Variants in OTOF observed in about 807,000 individuals in gnomAD.
OTOF encodes the protein fer-1-like family member 2.
A neutral mutation model predicts 236.8 loss-of-function variants in OTOF; 218 were observed. The ratio of observed to expected loss-of-function variants is 0.92; its 90% CI spans 0.82 to 1.03. The LOEUF is 1.03. Among genes scored for constraint, OTOF ranks in the 50% least tolerant of loss-of-function variants. The pLI is 0.00. For synonymous variants in OTOF, 1,041 were observed against 1,072.5 expected (o/e 0.97, Z 0.57); for missense variants, 2,590 against 2,694.4 (o/e 0.96, Z 0.86).
intron 46 of OTOF, among the ~76,000 whole-genome samples, chr2:26,459,208 C>T (rs1382400865): frequency 2.6e-5 from 4 of 152,220 alleles, no homozygotes; most frequent in African/African-American, 7.2e-5. Flanking sequence ...ACCCTGGCCA[C>T]ACCCTTCCCT....
At chr2:26,479,207 T>TG in intron 18 of OTOF, 57 bp downstream of exon 18, 1 of 1,600,024 alleles carries the variant, frequency 6.2e-7, no homozygotes, top group Non-Finnish European at 8.5e-7. Flanking sequence ...GAAGGCCCTC[T>TG]GACAGCGCCG....
intron 8 of OTOF, among the ~76,000 whole-genome samples, chr2:26,499,942 G>A (rs958324359): frequency 6.6e-6 from 1 of 152,206 alleles, no homozygotes; most frequent in Non-Finnish European, 1.5e-5. Context: ...TACAACAACC[G>A]TTTTGTTCAG....
At chr2:26,506,426 C>T (rs928468469) in intron 5 of OTOF, among the ~76,000 whole-genome samples, 1 of 152,218 alleles carries the variant, frequency 6.6e-6, no homozygotes, top group African/African-American at 2.4e-5. Context: ...TCCCCACTTC[C>T]CCAGAGGGGA....
chr2:26,477,063 CA>C lies in OTOF; in HGVS notation c.2524-21del, dbSNP rs771375774. On this transcript the variant is annotated intron_variant, in intron 21 of 46. Coordinates refer to ENST00000272371, the MANE Select transcript of OTOF (RefSeq NM_194248.3). This position sits in a 1 kb window ranked among gnomAD's most constrained non-coding sequence, Gnocchi z 4.7. ...CTGGGGCTGGGGGTTGGGGGGTGGC[CA>C]GGGGCAGTGGGTAAGGGGGTCTAGC... 1.3e-5 allele frequency: 20 copies of C among 1,502,670 alleles called. No homozygotes were observed. The East Asian group carries it at 3.8e-4, about 28-fold the overall frequency. 93.1% of individuals were successfully genotyped at this position (1,502,670 alleles called of 1,614,324 possible). A position where few individuals can be genotyped will look rare whatever the true frequency, so the allele number is the denominator to read the frequency against.
chr2:26,539,506 C>A (rs530236089), intron 1 of OTOF, among the ~76,000 whole-genome samples: 1 of 152,178 alleles, frequency 6.6e-6, no homozygotes, highest in Non-Finnish European at 1.5e-5. Flanking sequence ...GAGGCCGAGG[C>A]GGGCGGATCA....
chr2:26,556,194 G>C (rs1411398732), intron 1 of OTOF, among the ~76,000 whole-genome samples: 3 of 152,206 alleles, frequency 2.0e-5, no homozygotes, highest in Non-Finnish European at 2.9e-5. Flanking sequence ...GGGGAGCCTG[G>C]GGCCAGTGTC....
At chr2:26,528,792 C>A (rs1475533235) in intron 2 of OTOF, among the ~76,000 whole-genome samples, 1 of 152,204 alleles carries the variant, frequency 6.6e-6, no homozygotes, top group African/African-American at 2.4e-5. Flanking sequence ...GAAGACTGGG[C>A]AAGGGAAAGG....
At chr2:26,542,218 C>T (rs1419475627) in intron 1 of OTOF, among the ~76,000 whole-genome samples, 1 of 152,198 alleles carries the variant, frequency 6.6e-6, no homozygotes, top group East Asian at 1.9e-4. Context: ...CCTGCTAGGG[C>T]CACACCTCTG....
chr2:26,482,402 T>G lies in OTOF; in HGVS notation c.1579+4A>C. The G allele has an allele frequency of 1.2e-6, 2 of 1,613,046 alleles. No individual in the cohort carries two copies. Among genetic ancestry groups the G allele is most frequent in the Non-Finnish European group, 1.7e-6 (2 of 1,179,920 alleles). On this transcript the variant is annotated splice_donor_region_variant and intron_variant, in intron 14 of 46. Transcript: ENST00000272371. ...CCCAGCACACCGGGTCTCCCGCTGC[T>G]GACCTTTGTCTCCGTCATTAGAAAT...
chr2:26,459,429 G>T (rs1339230116), intron 46 of OTOF, among the ~76,000 whole-genome samples: 1 of 152,060 alleles, frequency 6.6e-6, no homozygotes, highest in Non-Finnish European at 1.5e-5. Flanking sequence ...GCGGGTGCCT[G>T]TAGTCCCAGC....
At chr2:26,506,418 C>T (rs1461410488) in intron 5 of OTOF, among the ~76,000 whole-genome samples, 1 of 152,232 alleles carries the variant, frequency 6.6e-6, no homozygotes, top group Non-Finnish European at 1.5e-5. Flanking sequence ...CTGCCCCTTC[C>T]CCACTTCCCC....
At chr2:26,526,918 T>C (rs1666821002) in intron 3 of OTOF, among the ~76,000 whole-genome samples, 2 of 152,140 alleles carry the variant, frequency 1.3e-5, no homozygotes, top group South Asian at 4.1e-4. Flanking sequence ...CTCAAATTAC[T>C]GGGATCAAAT....
At chr2:26,472,402 A>T in intron 30 of OTOF, 117 bp downstream of exon 30, 8 of 1,316,550 alleles carry the variant, frequency 6.1e-6, no homozygotes, top group Non-Finnish European at 7.7e-6. Context: ...CGACAGTCAC[A>T]TGCCAAAGGA....
chr2:26,489,729 G>C lies in OTOF; in HGVS notation c.909C>G (p.Phe303Leu). The change falls in exon 10 of 47, where the codon TTC (phenylalanine) becomes TTG (leucine). Residue 303 changes from phenylalanine to leucine, a missense_variant. Phe to Leu is a conservative substitution (Grantham distance 22). Around this residue, in one of 2 missense-constraint regions of OTOF, gnomAD observed 1,379 missense variants for 1,341.6 expected, o/e 1.03. Transcript: ENST00000272371. The part of the protein sequence containing the change: ...NCPYYNEYFV[F>L]DFHVSPDVMF... ...TGACATCCGGAGAGACATGGAAGTCGAAGACGAAGTACTGGAGGGGGAAGG... is the reference window on the plus strand; with the variant it reads ...TGACATCCGGAGAGACATGGAAGTCCAAGACGAAGTACTGGAGGGGGAAGG... 1.2e-6 allele frequency: 2 copies of C among 1,612,718 alleles called. No individual in the cohort carries two copies. Among genetic ancestry groups the C allele is most frequent in the Non-Finnish European group, 1.7e-6 (2 of 1,179,728 alleles).
chr2:26,536,854 T>G (rs1667082847), intron 2 of OTOF, among the ~76,000 whole-genome samples: 1 of 152,022 alleles, frequency 6.6e-6, no homozygotes, highest in African/African-American at 2.4e-5. Context: ...CAGAGGGGAA[T>G]ATAGATTCTG....
chr2:26,463,969 C>A lies in OTOF; in HGVS notation c.5098G>T (p.Glu1700Ter). The A allele has an allele frequency of 1.2e-6, 2 of 1,613,754 alleles. No individual in the cohort carries two copies. The highest frequency in any genetic ancestry group is 1.7e-6 in the Non-Finnish European group (2 of 1,179,958). Residue 1700 changes from glutamate (E) to a stop codon, truncating the protein, a stop_gained, in exon 40 of 47, where the codon GAG (glutamate) becomes TAG (stop). Coordinates refer to ENST00000272371, the MANE Select transcript of OTOF (RefSeq NM_194248.3). LOFTEE classifies it high-confidence loss of function. ...PLLNPDKPGI[E>*]QGRLELWVDM... ...CTTGGCCATGCAAGTGTCACCTGCT[C>A]GATGCCCGGCTTGTCGGGGTTGAGC...
chr2:26,463,535 C>G lies in OTOF; in HGVS notation c.5140G>C (p.Asp1714His). The G allele has an allele frequency of 1.2e-6, 2 of 1,609,000 alleles. No individual in the cohort carries two copies. The highest frequency in any genetic ancestry group is 1.1e-5 in the South Asian group (1 of 89,612). ...LELWVDMFPM[D>H]MPAPGTPLDI... is the part of the protein sequence containing the mutation. ...AGAGGCGTCCCAGGGGCTGGCATGT[C>G]CATGGGGAACATGTCCACCCACAGC... Residue 1714 changes from aspartate to histidine, a missense_variant, in exon 41 of 47, where the codon GAC (aspartate) becomes CAC (histidine). Transcript: ENST00000272371.
chr2:26,477,984 C>T lies in OTOF; in HGVS notation c.2215-235G>A, dbSNP rs1377461838. On this transcript the variant is annotated intron_variant, in intron 18 of 46. Coordinates refer to ENST00000272371, the MANE Select transcript of OTOF (RefSeq NM_194248.3). This position sits in a 1 kb window ranked among gnomAD's most constrained non-coding sequence, Gnocchi z 4.7. ...CTTCAGTTCCTGAAGGAAGAAGCCACCTCTGGGCTGTGAGTCTGTGGCTCT... is the reference window on the plus strand; with the variant it reads ...CTTCAGTTCCTGAAGGAAGAAGCCATCTCTGGGCTGTGAGTCTGTGGCTCT... 2 of 1,459,312 alleles carry T rather than the reference C, an allele frequency of 1.4e-6. No individual in the cohort carries two copies. Among genetic ancestry groups the T allele is most frequent in the Non-Finnish European group, 1.8e-6 (2 of 1,107,754 alleles). 90.4% of individuals were successfully genotyped at this position (1,459,312 alleles called of 1,614,324 possible).
chr2:26,529,040 T>G (rs979326054), intron 2 of OTOF, among the ~76,000 whole-genome samples: 6 of 152,136 alleles, frequency 3.9e-5, no homozygotes, highest in African/African-American at 1.4e-4. Context: ...TAGAGTGATA[T>G]GAGGACAGTT....
Sources: allele counts gnomAD v4.1 joint callset (sites outside exome capture counted in the v4.1 genomes callset), GRCh38; gene constraint gnomAD v4.1.1; regional missense constraint gnomAD v4.1.1; non-coding constraint Gnocchi (gnomAD v3.1); transcripts MANE v1.5; gene names NCBI Gene and HGNC (gene_info 2026-07-23, HGNC 2026-07-21).